Variants in VWDE observed in about 807,000 individuals in gnomAD.
VWDE encodes von Willebrand factor D and EGF domains.
A neutral mutation model predicts 178.4 loss-of-function variants in VWDE; 207 were observed. The observed-to-expected ratio is 1.16, with a 90% CI of 1.04 to 1.30. The LOEUF is 1.30. VWDE is among the 50% of genes most tolerant of loss of function. VWDE has a pLI of 0.00. For synonymous variants in VWDE, 738 were observed against 651.4 expected (o/e 1.13, Z -2.02); for missense variants, 2,287 against 1,901.3 (o/e 1.20, Z -3.77).
At chr7:12,362,492 A>G (rs1226999209) in intron 13 of VWDE, among the ~76,000 whole-genome samples, 2 of 152,090 alleles carry the variant, frequency 1.3e-5, no homozygotes, top group African/African-American at 4.8e-5. Flanking sequence ...TCAGTATGAA[A>G]ATGCACTGGT....
At chr7:12,386,730 T>G (rs1423112399) in intron 3 of VWDE, among the ~76,000 whole-genome samples, 2 of 152,212 alleles carry the variant, frequency 1.3e-5, no homozygotes, top group Non-Finnish European at 2.9e-5. Context: ...CTTCATTATA[T>G]ATTTCATCCT....
Position 12,375,119 on chromosome 7 carries a change from G to A in VWDE, c.1133C>T (p.Thr378Ile), listed in dbSNP as rs1343032047. The change falls in exon 8 of 29, where the codon ACT (threonine) becomes ATT (isoleucine). Residue 378 changes from threonine (T) to isoleucine (I), a missense_variant. Coordinates refer to ENST00000275358, the MANE Select transcript of VWDE (RefSeq NM_001135924.3). The part of the protein sequence containing the change: ...GTCSHTFVYY[T>I]AVTDFSRDGD... ...ATCTCGAGAAAAATCTGTGACAGCA[G>A]TGTAGTACACAAAAGTGTGGCTACA... 1 of 1,551,080 alleles carries A rather than the reference G, an allele frequency of 6.4e-7. No individual in the cohort carries two copies. The highest frequency in any genetic ancestry group is 1.4e-5 in the African/African-American group (1 of 73,002).
chr7:12,402,532 T>A (rs1232125237), intron 1 of VWDE, among the ~76,000 whole-genome samples: 1 of 152,194 alleles, frequency 6.6e-6, no homozygotes, highest in Non-Finnish European at 1.5e-5. Context: ...AAAAGGGTTA[T>A]GCGGTCTATA....
intron 28 of VWDE, 46 bp from the exon 29 acceptor site, chr7:12,331,243 T>C: frequency 3.3e-6 from 5 of 1,498,932 alleles, no homozygotes; most frequent in Non-Finnish European, 4.5e-6. Context: ...TAGTATAAAA[T>C]CATTTAACCC....
intron 18 of VWDE, among the ~76,000 whole-genome samples, chr7:12,354,934 T>C (rs1297743749): frequency 1.4e-5 from 2 of 145,622 alleles, no homozygotes; most frequent in African/African-American, 2.4e-5. Flanking sequence ...CCGTCCTTAA[T>C]CAAAGTTTTT....
chr7:12,353,523 G>A (rs776520244), intron 18 of VWDE, among the ~76,000 whole-genome samples: 7 of 152,218 alleles, frequency 4.6e-5, no homozygotes, highest in Non-Finnish European at 5.9e-5. Flanking sequence ...CTCTCATCAT[G>A]CTAAAACCAA....
At position 12,393,721 on chromosome 7, in the gene VWDE, C is replaced by G; in HGVS notation, c.116G>C (p.Arg39Pro). ...CTGCTGGAGGTGCCATGAGTCAAAA[C>G]GGACACTTCTATAAGGACTCCGAAG... ...QFLRSPYRSV[R>P]FDSWHLQQSA... is the part of the protein sequence containing the mutation. The change falls in exon 2 of 29, where the codon CGT becomes CCT. Residue 39 changes from arginine (R) to proline (P), a missense_variant. Arg to Pro is a moderately radical substitution (Grantham distance 103, BLOSUM62 -2). Transcript: ENST00000275358. 6.4e-7 allele frequency: 1 copy of G among 1,550,920 alleles called. No individual in the cohort carries two copies. The highest frequency in any genetic ancestry group is 2.4e-5 in the East Asian group (1 of 40,886).
At chr7:12,403,187 T>C (rs1271893091) in intron 1 of VWDE, among the ~76,000 whole-genome samples, 1 of 152,172 alleles carries the variant, frequency 6.6e-6, no homozygotes, top group African/African-American at 2.4e-5. Flanking sequence ...TATACAAAAC[T>C]TAACTTGGTG....
chr7:12,373,371 A>G (rs1287678868), intron 9 of VWDE, 124 bp from the exon 10 acceptor site: 1 of 939,014 alleles, frequency 1.1e-6, no homozygotes, highest in African/African-American at 1.7e-5. Flanking sequence ...GAAACAAAGT[A>G]GTCATAAACA....
At position 12,356,301 on chromosome 7, in the gene VWDE, A is replaced by G; in HGVS notation, c.3555T>C (p.Asn1185=). 1 of 1,551,590 alleles carries G rather than the reference A, an allele frequency of 6.4e-7. No individual in the cohort carries two copies. Among genetic ancestry groups the G allele is most frequent in the Non-Finnish European group, 8.7e-7 (1 of 1,146,934 alleles). ...EVTVKSCDCL[N]GGSCVSDRNF... ...TCCTATCAGATACACATGATCCACC[A>G]TTCAAGCAATCACAAGACTTCACAG... The change falls in exon 18 of 29, where the codon AAT becomes AAC. Residue 1185 remains asparagine, a synonymous_variant. Coordinates refer to ENST00000275358, the MANE Select transcript of VWDE (RefSeq NM_001135924.3).
intron 7 of VWDE, 67 bp from the exon 8 acceptor site, chr7:12,375,294 T>C (rs1191904338): frequency 1.8e-6 from 2 of 1,117,758 alleles, no homozygotes. Context: ...TGTAATAAAT[T>C]AATTAACATG....
intron 26 of VWDE, among the ~76,000 whole-genome samples, chr7:12,336,655 C>A (rs1361417064): frequency 2.0e-5 from 3 of 152,092 alleles, no homozygotes; most frequent in African/African-American, 7.2e-5. Flanking sequence ...AAGGTCAGAA[C>A]TGGATGGTTT....
At chr7:12,366,379 T>C (rs540177536) in intron 13 of VWDE, among the ~76,000 whole-genome samples, 6 of 151,806 alleles carry the variant, frequency 4.0e-5, no homozygotes, top group Non-Finnish European at 8.8e-5. Context: ...CAAGAGAATA[T>C]AAATCTACAA....
intron 16 of VWDE, among the ~76,000 whole-genome samples, chr7:12,358,770 C>G (rs551456706): frequency 4.6e-5 from 7 of 152,284 alleles, no homozygotes; most frequent in Admixed American, 3.3e-4. Flanking sequence ...ATTGACAAAA[C>G]AGAGGCACCA....
At chr7:12,393,889 A>G in intron 1 of VWDE, 111 bp from the exon 2 acceptor site, 2 of 893,934 alleles carry the variant, frequency 2.2e-6, no homozygotes, top group Non-Finnish European at 3.3e-6. Context: ...TAAACTCACT[A>G]TTGCACATAA....
intron 10 of VWDE, 124 bp from the exon 11 acceptor site, chr7:12,370,988 T>C (rs1783167617): frequency 1.2e-6 from 1 of 815,830 alleles, no homozygotes; most frequent in East Asian, 3.0e-5. Flanking sequence ...AAGAATAAAA[T>C]ACTGATTTTC....
rs1469830108 is a variant in VWDE, at chr7:12,343,123, G to A, written c.4134C>T (p.Cys1378=). 10 of 1,549,838 alleles carry A rather than the reference G, an allele frequency of 6.5e-6. No individual in the cohort carries two copies. Among genetic ancestry groups the A allele is most frequent in the African/African-American group, 4.1e-5 (3 of 72,958 alleles). Residue 1378 remains cysteine (C), a synonymous_variant, in exon 22 of 29, where the codon TGC becomes TGT. Coordinates refer to ENST00000275358, the MANE Select transcript of VWDE (RefSeq NM_001135924.3). The stretch of plus-strand genomic sequence containing the variant: ...GTCCTACAAAACCATAAGGACAAGT[G>A]CAGAGATTCCCAGCCAAGCATGTGC... ...HGGTCLAGNL[C]TCPYGFVGPR... is the part of the protein sequence containing the mutation.
chr7:12,359,262 A>C lies in VWDE; in HGVS notation c.3274+316T>G, dbSNP rs145333620. Reference sequence around the variant, plus strand: ...CTGAGTCCAGATACCTTGTTTAACAAGTGCTGAATCCATGGCCTTTGAGCT... The same window carrying C: ...CTGAGTCCAGATACCTTGTTTAACACGTGCTGAATCCATGGCCTTTGAGCT... On this transcript the variant is annotated intron_variant, in intron 16 of 28. Transcript: ENST00000275358. Among the ~76,000 whole-genome samples, 11 of 152,324 alleles carry C rather than the reference A, an allele frequency of 7.2e-5. No individual in the cohort carries two copies. The East Asian group carries it at 2.1e-3, about 29-fold the overall frequency.
chr7:12,356,346 A>AAAGG lies in VWDE; in HGVS notation c.3526-20_3526-17dup. 6.5e-7 allele frequency: 1 copy of AAAGG among 1,539,088 alleles called. No individual in the cohort carries two copies. Among genetic ancestry groups the AAAGG allele is most frequent in the Admixed American group, 2.0e-5 (1 of 49,946 alleles). Reference sequence around the variant, plus strand: ...TCACAGTCACCTACAAAACAAAAAAAAAGGAAATGTCTTATTTTTCAATAA... The same window carrying AAAGG: ...TCACAGTCACCTACAAAACAAAAAAAAAGGAAGGAAATGTCTTATTTTTCAATAA... On this transcript the variant is annotated splice_polypyrimidine_tract_variant and intron_variant, in intron 17 of 28. Transcript: ENST00000275358.
Sources: allele counts gnomAD v4.1 joint callset (sites outside exome capture counted in the v4.1 genomes callset), GRCh38; gene constraint gnomAD v4.1.1; transcripts MANE v1.5; gene names NCBI Gene and HGNC (gene_info 2026-07-23, HGNC 2026-07-21).